GPC5: variants seen among roughly 807,000 people sequenced by gnomAD.
GPC5 encodes the protein glypican 5.
In GPC5, 47 loss-of-function variants were observed where a neutral mutation model predicts 53.9. The observed-to-expected ratio is 0.87, with a 90% confidence interval of 0.69 to 1.11. The LOEUF (loss-of-function observed/expected upper bound fraction) is 1.11. Among genes scored for constraint, GPC5 ranks in the 50% most tolerant of loss-of-function variants. GPC5 has a pLI of 0.00. For synonymous variants in GPC5, 286 were observed against 263.3 expected (o/e 1.09, Z -0.84); for missense variants, 748 against 713.1 (o/e 1.05, Z -0.56).
At chr13:92,588,560 G>C (rs1883616774) in intron 7 of GPC5, among the ~76,000 whole-genome samples, 1 of 152,158 alleles carries the variant, frequency 6.6e-6, no homozygotes, top group Non-Finnish European at 1.5e-5. Flanking sequence ...CTATGAGCTT[G>C]TTGTTCAGCA....
intron 3 of GPC5, among the ~76,000 whole-genome samples, chr13:91,721,914 A>G (rs1387894448): frequency 6.6e-6 from 1 of 152,222 alleles, no homozygotes; most frequent in Non-Finnish European, 1.5e-5. Context: ...AACATTCATC[A>G]AGACTTAAAG....
intron 2 of GPC5, among the ~76,000 whole-genome samples, chr13:91,688,738 C>G (rs568428990): frequency 6.6e-6 from 1 of 152,086 alleles, no homozygotes; most frequent in African/African-American, 2.4e-5. Flanking sequence ...TGCTACACAC[C>G]TAGGCTATAT....
At chr13:91,897,210 A>G (rs2038439225) in intron 5 of GPC5, among the ~76,000 whole-genome samples, 1 of 152,128 alleles carries the variant, frequency 6.6e-6, no homozygotes, top group Non-Finnish European at 1.5e-5. Context: ...TAAAATAGTA[A>G]TTACTACAGG....
At chr13:92,323,703 G>A (rs1487050712) in intron 7 of GPC5, among the ~76,000 whole-genome samples, 2 of 151,766 alleles carry the variant, frequency 1.3e-5, no homozygotes, top group Non-Finnish European at 2.9e-5. Context: ...GATTGTTTAT[G>A]CATGATTCCC....
At chr13:91,658,334 C>G (rs754144729) in intron 2 of GPC5, among the ~76,000 whole-genome samples, 2 of 151,306 alleles carry the variant, frequency 1.3e-5, no homozygotes, top group African/African-American at 2.4e-5. Flanking sequence ...ATGGCCTTAG[C>G]CATAGCACAT....
chr13:91,991,006 G>A lies in GPC5; in HGVS notation c.1401+82949G>A, dbSNP rs58144872. 3.8e-3 allele frequency among the ~76,000 whole-genome samples: 571 copies of A among 152,264 alleles called. 5 individuals are homozygous for A. Among genetic ancestry groups the A allele is most frequent in the African/African-American group, 0.013 (545 of 41,558 alleles). ...AGAGCTATGGTTATTAAAAATGGTA[G>A]CGGAAAGTGTGCTTTTGGGAAGGCA... On this transcript the variant is annotated intron_variant, in intron 6 of 7. Transcript: ENST00000377067.
At chr13:92,042,664 A>T (rs2040950835) in intron 6 of GPC5, among the ~76,000 whole-genome samples, 1 of 152,230 alleles carries the variant, frequency 6.6e-6, no homozygotes, top group South Asian at 2.1e-4. Flanking sequence ...GTATTATTTT[A>T]AATGTTTAAT....
chr13:92,828,165 C>A (rs1053541417), intron 7 of GPC5, among the ~76,000 whole-genome samples: 2 of 152,058 alleles, frequency 1.3e-5, no homozygotes, highest in Non-Finnish European at 2.9e-5. Context: ...GTCCATCCCC[C>A]CTCACCCTAT....
intron 2 of GPC5, among the ~76,000 whole-genome samples, chr13:91,465,478 C>T (rs182887386): frequency 3.3e-5 from 5 of 151,926 alleles, no homozygotes; most frequent in South Asian, 2.1e-4. Context: ...TTCATCTAAT[C>T]GCAAATTGGA....
At chr13:92,552,216 A>G (rs1208525024) in intron 7 of GPC5, among the ~76,000 whole-genome samples, 1 of 151,938 alleles carries the variant, frequency 6.6e-6, no homozygotes, top group Non-Finnish European at 1.5e-5. Flanking sequence ...CAACAAAGCC[A>G]TATTGAAATG....
intron 2 of GPC5, among the ~76,000 whole-genome samples, chr13:91,475,329 G>A (rs1040342571): frequency 1.3e-5 from 2 of 152,156 alleles, no homozygotes; most frequent in Non-Finnish European, 2.9e-5. Context: ...AGGCAATGCC[G>A]ATGCTGTTAT....
intron 7 of GPC5, among the ~76,000 whole-genome samples, chr13:92,529,023 A>C (rs1472669089): frequency 1.3e-5 from 2 of 152,140 alleles, no homozygotes; most frequent in African/African-American, 2.4e-5. Flanking sequence ...CATTGGAAAA[A>C]AAGATAATTA....
chr13:92,354,298 A>G (rs1270284176), intron 7 of GPC5, among the ~76,000 whole-genome samples: 2 of 152,226 alleles, frequency 1.3e-5, no homozygotes, highest in African/African-American at 4.8e-5. Flanking sequence ...CTTCCTATTG[A>G]TACAACAACA....
At chr13:91,810,008 T>C (rs1354009947) in intron 5 of GPC5, among the ~76,000 whole-genome samples, 1 of 152,002 alleles carries the variant, frequency 6.6e-6, no homozygotes, top group Admixed American at 6.6e-5. Flanking sequence ...AAAACAACAC[T>C]TAATAAGTGT....
intron 5 of GPC5, among the ~76,000 whole-genome samples, chr13:91,773,929 A>G (rs2037667373): frequency 6.6e-6 from 1 of 152,098 alleles, no homozygotes. Flanking sequence ...TATTTTTATT[A>G]TTTACTTATC....
intron 5 of GPC5, among the ~76,000 whole-genome samples, chr13:91,899,233 G>T (rs555542082): frequency 6.6e-6 from 1 of 152,014 alleles, no homozygotes; most frequent in Non-Finnish European, 1.5e-5. Flanking sequence ...TTAGAACACA[G>T]AAATTGTCCA....
chr13:91,777,276 T>C (rs1313888211), intron 5 of GPC5, among the ~76,000 whole-genome samples: 2 of 152,242 alleles, frequency 1.3e-5, no homozygotes, highest in South Asian at 2.1e-4. Context: ...CCTTTTTTCT[T>C]GTATTCTTTG....
At chr13:91,505,321 A>G (rs1476904017) in intron 2 of GPC5, among the ~76,000 whole-genome samples, 2 of 152,200 alleles carry the variant, frequency 1.3e-5, no homozygotes, top group Non-Finnish European at 2.9e-5. Flanking sequence ...GACTCCAGAA[A>G]TAGACCAAAG....
intron 7 of GPC5, among the ~76,000 whole-genome samples, chr13:92,513,618 A>G (rs1360428117): frequency 6.6e-6 from 1 of 150,624 alleles, no homozygotes; most frequent in African/African-American, 2.5e-5. Flanking sequence ...GAGAATTTCA[A>G]TAAATGGTTT....
Sources: allele counts gnomAD v4.1 joint callset (sites outside exome capture counted in the v4.1 genomes callset), GRCh38; gene constraint gnomAD v4.1.1; transcripts MANE v1.5; gene names NCBI Gene and HGNC (gene_info 2026-07-23, HGNC 2026-07-21).